The following NLRP1 variants were observed in gnomAD, a reference collection of about 807,000 sequenced individuals.
The protein encoded by NLRP1 is NLR family pyrin domain containing 1.
Under a neutral mutation model 136.7 loss-of-function variants are expected in NLRP1, and 94 were observed. That is an observed-to-expected ratio of 0.69 (90% CI 0.58 to 0.82). The LOEUF (loss-of-function observed/expected upper bound fraction) is 0.82, where lower values mean the gene tolerates loss of function less well. Among genes scored for constraint, NLRP1 ranks in the 40% least tolerant of loss-of-function variants. The pLI is 0.00. For missense variants in NLRP1, 1,575 were observed against 1,802.7 expected (o/e 0.87, Z 2.29); for synonymous variants, 690 against 725.1 (o/e 0.95, Z 0.78).
At chr17:5,563,617 G>A (rs1914999249) in intron 3 of NLRP1, among the ~76,000 whole-genome samples, 1 of 152,182 alleles carries the variant, frequency 6.6e-6, no homozygotes, top group African/African-American at 2.4e-5. Context: ...TGAGGAATAT[G>A]GGATTTTGGA....
In NLRP1 at chr17:5,537,842, G is replaced by C. The variant is rs964264178; in HGVS notation, c.2871-902C>G. 1.3e-5 allele frequency among the ~76,000 whole-genome samples: 2 copies of C among 152,170 alleles called. No individual in the cohort carries two copies. Among genetic ancestry groups the C allele is most frequent in the African/African-American group, 2.4e-5 (1 of 41,440 alleles). On this transcript the variant is annotated intron_variant, in intron 7 of 16. Coordinates refer to ENST00000572272, the MANE Select transcript of NLRP1 (RefSeq NM_033004.4). This position sits in a 1 kb window ranked among gnomAD's most constrained non-coding sequence, Gnocchi z 4.5. Reference sequence around the variant, plus strand: ...TGAGCTGGGGCCTGAAGCCATATCTGCCTGCCATGGCCAAGCTCTGGGGAA... The same window carrying C: ...TGAGCTGGGGCCTGAAGCCATATCTCCCTGCCATGGCCAAGCTCTGGGGAA...
At chr17:5,515,183 T>G in intron 16 of NLRP1, 110 bp from the exon 17 acceptor site, 1 of 1,046,822 alleles carries the variant, frequency 9.6e-7, no homozygotes, top group Non-Finnish European at 1.4e-6. Flanking sequence ...CCTCCAGAAA[T>G]GCACCTGTGT....
chr17:5,536,607 C>T (rs946943481), intron 8 of NLRP1, among the ~76,000 whole-genome samples: 60 of 152,120 alleles, frequency 3.9e-4, no homozygotes, highest in Admixed American at 1.3e-3. Flanking sequence ...CCCGCCACCA[C>T]GCCTGGCTAA....
rs1905961425 is a variant in NLRP1 at position 5,583,662 on chromosome 17, G to A, written c.271+25C>T. 1.3e-6 allele frequency: 2 copies of A among 1,545,386 alleles called. No homozygotes were observed. Among genetic ancestry groups the A allele is most frequent in the East Asian group, 4.9e-5 (2 of 40,920 alleles). On this transcript the variant is annotated intron_variant, in intron 1 of 16. Transcript: ENST00000572272. This position sits in a 1 kb window ranked among gnomAD's most constrained non-coding sequence, Gnocchi z 4.5. ...ATGAGGGCCAGGGGATGTCCCGCGG[G>A]CAGTGGGGTCCTCTGTCCACTCACC...
At chr17:5,575,988 A>G (rs992696192) in intron 3 of NLRP1, among the ~76,000 whole-genome samples, 2 of 152,246 alleles carry the variant, frequency 1.3e-5, no homozygotes, top group African/African-American at 4.8e-5. Flanking sequence ...AAACCGCTCA[A>G]CTACATGGAA....
Position 5,533,994 on chromosome 17 carries a change from C to T in NLRP1, c.2961-6G>A. 6.3e-7 allele frequency: 1 copy of T among 1,592,534 alleles called. No homozygotes were observed. The highest frequency in any genetic ancestry group is 8.6e-7 in the Non-Finnish European group (1 of 1,160,370). On this transcript the variant is annotated splice_region_variant and splice_polypyrimidine_tract_variant and intron_variant, in intron 8 of 16. Coordinates refer to ENST00000572272, the MANE Select transcript of NLRP1 (RefSeq NM_033004.4). ...GGGTCATCACACTTGGTTTCCTGGA[C>T]AAAGAATTGTTCATTCTGCCTAAGA...
rs141534562 is a variant in NLRP1 at position 5,583,620 on chromosome 17, A to C, written c.271+67T>G. On this transcript the variant is annotated intron_variant, in intron 1 of 16. Transcript: ENST00000572272. The surrounding 1 kb of genome is among the most constrained non-coding windows in gnomAD (Gnocchi z 4.5). The stretch of plus-strand genomic sequence containing the variant: ...AGGGAGGGCTCAGTGGTGGGGTCCC[A>C]AGAGGGCAGGGCAGGCATGAGGGCC... 5,562 of 1,480,140 alleles carry C rather than the reference A, an allele frequency of 3.8e-3. 151 individuals are homozygous for C. In the African/African-American group the frequency reaches 0.063, roughly 17 times the overall value. The allele number at this position is 1,480,140 out of a possible 1,614,324, so 91.7% of individuals were successfully genotyped here. A position where few individuals can be genotyped will look rare whatever the true frequency, so the allele number is the denominator to read the frequency against.
rs1488406988 is a variant in NLRP1 at position 5,561,456 on chromosome 17, A to G, written c.653-1413T>C. Among the ~76,000 whole-genome samples, 3 of 12,298 alleles carry G rather than the reference A, an allele frequency of 2.4e-4. 1 individual carries two copies. The highest frequency in any genetic ancestry group is 4.6e-4 in the Non-Finnish European group (3 of 6,508). 8.1% of individuals were successfully genotyped at this position (12,298 alleles called of 152,430 possible). On this transcript the variant is annotated intron_variant, in intron 3 of 16. Coordinates refer to ENST00000572272, the MANE Select transcript of NLRP1 (RefSeq NM_033004.4). Reference sequence around the variant, plus strand: ...TTTTTTTTTTTTTTTTTTTTTTTTGAGACGGAGTCTCGCTCTGTCGCCCAG... The same window carrying G: ...TTTTTTTTTTTTTTTTTTTTTTTTGGGACGGAGTCTCGCTCTGTCGCCCAG...
chr17:5,560,505 C>T (rs996007617), intron 3 of NLRP1, among the ~76,000 whole-genome samples: 1 of 152,216 alleles, frequency 6.6e-6, no homozygotes, highest in African/African-American at 2.4e-5. Context: ...ATTGCAGTAC[C>T]TGCCAATGGT....
intron 5 of NLRP1, among the ~76,000 whole-genome samples, chr17:5,542,631 A>G (rs1402020231): frequency 6.6e-6 from 1 of 152,024 alleles, no homozygotes; most frequent in Non-Finnish European, 1.5e-5. Context: ...GTCACTCACA[A>G]TATATTTTAC....
chr17:5,508,255 G>T (rs1463116907), intron 15 of NLRP1, among the ~76,000 whole-genome samples: 1 of 152,172 alleles, frequency 6.6e-6, no homozygotes. Context: ...CTGAGATTGC[G>T]CCACTGCACT....
Position 5,553,578 on chromosome 17 carries a change from A to T in NLRP1, c.2358-22T>A, listed in dbSNP as rs199555559. 1.0e-5 allele frequency: 16 copies of T among 1,606,948 alleles called. No homozygotes were observed. The African/African-American group carries it at 1.9e-4, about 19-fold the overall frequency. ...GAACCTGAGGGGGAGAGAGAAGGAC[A>T]GGAGAGATGTGATGTGTCTGGCAGG... On this transcript the variant is annotated intron_variant, in intron 4 of 16. Coordinates refer to ENST00000572272, the MANE Select transcript of NLRP1 (RefSeq NM_033004.4).
chr17:5,557,312 CT>C (rs201080237), intron 4 of NLRP1, among the ~76,000 whole-genome samples: 18,703 of 148,660 alleles, frequency 0.13, 2,022 homozygotes, highest in East Asian at 0.58. Flanking sequence ...GCCTACATAT[CT>C]TTTTTTTTTT....
At chr17:5,501,913 C>T (rs781386097) in intron 15 of NLRP1, 5 of 1,579,326 alleles carry the variant, frequency 3.2e-6, no homozygotes, top group South Asian at 1.1e-5. Flanking sequence ...TTATTTGAGT[C>T]CCAGTAGATT....
At chr17:5,540,863 C>A (rs1234499838) in intron 6 of NLRP1, among the ~76,000 whole-genome samples, 1 of 152,074 alleles carries the variant, frequency 6.6e-6, no homozygotes, top group Non-Finnish European at 1.5e-5. Context: ...AAGGAAGGGA[C>A]GTGTGATGTG....
chr17:5,509,085 C>T (rs1907496639), intron 15 of NLRP1, among the ~76,000 whole-genome samples: 1 of 152,218 alleles, frequency 6.6e-6, no homozygotes, highest in African/African-American at 2.4e-5. Flanking sequence ...TGCTTAACAG[C>T]AGTTGCTAGG....
intron 4 of NLRP1, 62 bp downstream of exon 4, chr17:5,558,277 C>T (rs1168850325): frequency 6.6e-7 from 1 of 1,523,504 alleles, no homozygotes; most frequent in Non-Finnish European, 8.8e-7. Context: ...CTCTGGTGCT[C>T]AGGTCACTCG....
intron 3 of NLRP1, among the ~76,000 whole-genome samples, chr17:5,565,760 GTTC>G (rs201209051): frequency 0.013 from 1,970 of 152,234 alleles, 48 homozygotes; most frequent in African/African-American, 0.044. Flanking sequence ...ACTGATACTA[GTTC>G]TTCTTAAATG....
chr17:5,512,850 C>A (rs1907733921), downstream of NLRP1, among the ~76,000 whole-genome samples: 1 of 152,236 alleles, frequency 6.6e-6, no homozygotes, highest in African/African-American at 2.4e-5. Context: ...CCTTTCATTG[C>A]CATCTTGGCT....
Sources: allele counts gnomAD v4.1 joint callset (sites outside exome capture counted in the v4.1 genomes callset), GRCh38; gene constraint gnomAD v4.1.1; non-coding constraint Gnocchi (gnomAD v3.1); transcripts MANE v1.5; gene names NCBI Gene and HGNC (gene_info 2026-07-23, HGNC 2026-07-21).